Variants in MSH3 observed in about 807,000 individuals in gnomAD.
MSH3 encodes DNA mismatch repair protein Msh3.
A neutral mutation model predicts 123.3 loss-of-function variants in MSH3; 106 were observed. The ratio of observed to expected loss-of-function variants is 0.86; its 90% confidence interval spans 0.73 to 1.01. The LOEUF (loss-of-function observed/expected upper bound fraction) is 1.01. Ranked by LOEUF, MSH3 falls within the 50% of genes least tolerant of loss-of-function variation. MSH3 has a pLI of 0.00. For missense variants in MSH3, 1,459 were observed against 1,347.6 expected (o/e 1.08, Z -1.29); for synonymous variants, 515 against 481.4 (o/e 1.07, Z -0.91).
intron 17 of MSH3, among the ~76,000 whole-genome samples, 185 bp from the exon 18 acceptor site, chr5:80,787,380 A>G (rs1744527639): frequency 6.6e-6 from 1 of 152,220 alleles, no homozygotes; most frequent in Non-Finnish European, 1.5e-5. Flanking sequence ...AAGCCTCAAT[A>G]ATTTAGTTAT....
At chr5:80,767,263 G>T (rs975836746) in intron 13 of MSH3, among the ~76,000 whole-genome samples, 4 of 152,058 alleles carry the variant, frequency 2.6e-5, no homozygotes, top group Non-Finnish European at 5.9e-5. Flanking sequence ...CTTATTCAAA[G>T]GGTTATGTGC....
chr5:80,741,642 T>A, intron 11 of MSH3, 94 bp downstream of exon 11: 1 of 867,772 alleles, frequency 1.2e-6, no homozygotes, highest in Admixed American at 1.8e-5. Context: ...CAGGTGAAAA[T>A]ATAGTGTCTT....
chr5:80,748,548 AGTT>A (rs1168612775), intron 12 of MSH3, among the ~76,000 whole-genome samples: 2 of 152,066 alleles, frequency 1.3e-5, no homozygotes, highest in South Asian at 2.1e-4. Context: ...TCTTCAGTGT[AGTT>A]GTTTTTTAAA....
intron 10 of MSH3, among the ~76,000 whole-genome samples, chr5:80,732,016 TTAGA>T (rs1743420810): frequency 6.6e-6 from 1 of 152,176 alleles, no homozygotes; most frequent in East Asian, 1.9e-4. Context: ...GAATAGAATT[TTAGA>T]TAGTTTGAGA....
At chr5:80,827,854 G>A (rs1044448453) in intron 20 of MSH3, among the ~76,000 whole-genome samples, 2 of 152,200 alleles carry the variant, frequency 1.3e-5, no homozygotes, top group African/African-American at 4.8e-5. Context: ...TACTGTTGTA[G>A]TAGGTATGAT....
At chr5:80,853,503 C>T (rs1490697999) in intron 20 of MSH3, among the ~76,000 whole-genome samples, 1 of 151,840 alleles carries the variant, frequency 6.6e-6, no homozygotes, top group Non-Finnish European at 1.5e-5. Flanking sequence ...TATGTAGTCT[C>T]ATACTAAAGG....
At position 80,802,084 on chromosome 5, in the gene MSH3, G is replaced by T. The variant is rs115932186; in HGVS notation, c.2655+9240G>T. Among the ~76,000 whole-genome samples, 310 of 152,228 alleles carry T rather than the reference G, an allele frequency of 2.0e-3. 2 individuals carry two copies. The highest frequency in any genetic ancestry group is 7.4e-3 in the African/African-American group (309 of 41,546). ...CATTTACAAATAAGTGTTAGATTAA[G>T]ATTTGAAATATAAAGAAAGGGAGGA... On this transcript the variant is annotated intron_variant, in intron 19 of 23. Coordinates refer to ENST00000265081, the MANE Select transcript of MSH3 (RefSeq NM_002439.5).
At chr5:80,788,405 C>T (rs1181568237) in intron 18 of MSH3, among the ~76,000 whole-genome samples, 1 of 152,116 alleles carries the variant, frequency 6.6e-6, no homozygotes, top group Non-Finnish European at 1.5e-5. Flanking sequence ...CCACTGCACT[C>T]CATCCAGCCT....
chr5:80,659,044 GC>G (rs1749363230), intron 2 of MSH3, among the ~76,000 whole-genome samples: 1 of 152,052 alleles, frequency 6.6e-6, no homozygotes, highest in South Asian at 2.1e-4. Context: ...GACCAGCCTG[GC>G]CCACATGGTG....
rs1749740029 is a variant in MSH3 at position 80,672,271 on chromosome 5, T to G, written c.820T>G (p.Cys274Gly). 5 of 1,613,734 alleles carry G rather than the reference T, an allele frequency of 3.1e-6. No individual in the cohort carries two copies. Among genetic ancestry groups the G allele is most frequent in the Non-Finnish European group, 4.2e-6 (5 of 1,179,764 alleles). The change falls in exon 5 of 24, where the codon TGC (cysteine) becomes GGC (glycine). Residue 274 changes from cysteine to glycine, a missense_variant. Cys to Gly is a radical substitution (Grantham distance 159). Coordinates refer to ENST00000265081, the MANE Select transcript of MSH3 (RefSeq NM_002439.5). ...EIAARELNIY[C>G]HLDHNFMTAS... is the part of the protein sequence containing the mutation. ...TGCAGCCCGAGAGCTCAATATTTAT[T>G]GCCATTTAGATCACAACTTTATGAC...
At chr5:80,783,856 G>A (rs1744451232) in intron 17 of MSH3, among the ~76,000 whole-genome samples, 1 of 152,162 alleles carries the variant, frequency 6.6e-6, no homozygotes, top group Non-Finnish European at 1.5e-5. Context: ...GGATGGGTCA[G>A]TAATTAGAAC....
Position 80,744,494 on chromosome 5 carries a change from G to T in MSH3, c.1654-12G>T. 6.3e-7 allele frequency: 1 copy of T among 1,590,436 alleles called. No homozygotes were observed. The highest frequency in any genetic ancestry group is 8.6e-7 in the Non-Finnish European group (1 of 1,159,688). On this transcript the variant is annotated splice_polypyrimidine_tract_variant and intron_variant, in intron 11 of 23. Coordinates refer to ENST00000265081, the MANE Select transcript of MSH3 (RefSeq NM_002439.5). ...GTCTAGTTAATAAAACTTGTTTTCTGGTCTTTCTTAGACTGATATGAAAAC... is the reference window on the plus strand; with the variant it reads ...GTCTAGTTAATAAAACTTGTTTTCTTGTCTTTCTTAGACTGATATGAAAAC...
At chr5:80,681,534 AGAAAT>A (rs1749967189) in intron 8 of MSH3, among the ~76,000 whole-genome samples, 1 of 151,968 alleles carries the variant, frequency 6.6e-6, no homozygotes, top group Admixed American at 6.6e-5. Context: ...AAATGAATAT[AGAAAT>A]GGAATGGATA....
At chr5:80,661,617 A>G (rs748182295) in intron 2 of MSH3, among the ~76,000 whole-genome samples, 2 of 152,146 alleles carry the variant, frequency 1.3e-5, no homozygotes, top group Non-Finnish European at 2.9e-5. Flanking sequence ...TATATGGAGC[A>G]TATTTATAAA....
rs143074195 is a variant in MSH3, at chr5:80,851,323, C to T, written c.2814-2807C>T. On this transcript the variant is annotated intron_variant, in intron 20 of 23. Transcript: ENST00000265081. ...CTGTCTCATAAAAATACCCTTTCCC[C>T]GCAGCACTCTTGATAATGGCAGATC... Among the ~76,000 whole-genome samples the T allele has an allele frequency of 1.2e-3, 188 of 152,202 alleles. 1 individual carries two copies. Among genetic ancestry groups the T allele is most frequent in the Middle Eastern group, 0.01 (3 of 294 alleles).
intron 12 of MSH3, among the ~76,000 whole-genome samples, chr5:80,756,954 A>G (rs1450006415): frequency 1.3e-5 from 2 of 152,150 alleles, no homozygotes; most frequent in Non-Finnish European, 2.9e-5. Flanking sequence ...CCAATGTGTT[A>G]ATGTCTGAAT....
intron 20 of MSH3, among the ~76,000 whole-genome samples, chr5:80,832,879 C>T (rs1292342625): frequency 6.6e-6 from 1 of 151,986 alleles, no homozygotes. Flanking sequence ...TTCCTAATTG[C>T]AGTATTTCTC....
At chr5:80,757,177 C>A (rs936495601) in intron 12 of MSH3, among the ~76,000 whole-genome samples, 4 of 151,624 alleles carry the variant, frequency 2.6e-5, no homozygotes, top group Non-Finnish European at 5.9e-5. Flanking sequence ...ATAATCATAT[C>A]AGGGTAAATG....
chr5:80,674,460 T>C (rs1749791802), intron 6 of MSH3, among the ~76,000 whole-genome samples: 2 of 152,226 alleles, frequency 1.3e-5, no homozygotes, highest in African/African-American at 4.8e-5. Context: ...CTTTGAATTG[T>C]GGAATTAAAC....
Sources: gnomAD v4.1 joint callset for allele counts (sites outside exome capture counted in the v4.1 genomes callset) on GRCh38, gnomAD v4.1.1 for gene constraint, MANE v1.5 for transcripts, NCBI Gene and HGNC (gene_info 2026-07-23, HGNC 2026-07-21) for gene names.